C2orf74: variants seen among roughly 807,000 people sequenced by gnomAD.
C2orf74 encodes the protein uncharacterized protein C2orf74.
In C2orf74, 14 loss-of-function variants were observed where a neutral mutation model predicts 17.9. That is an observed-to-expected ratio of 0.78 (90% CI 0.52 to 1.22). The LOEUF is 1.22. C2orf74 is among the 50% of genes most tolerant of loss of function. The probability of loss-of-function intolerance (pLI) is 0.00; values close to 1 mark genes in which losing one functional copy is unlikely to be tolerated. For synonymous variants in C2orf74, 79 were observed against 72.6 expected (o/e 1.09, Z -0.44); for missense variants, 217 against 218.4 (o/e 0.99, Z 0.04).
upstream of C2orf74, chr2:61,157,716 T>A (rs1050243437): frequency 2.8e-6 from 1 of 361,574 alleles, no homozygotes; most frequent in African/African-American, 2.1e-5. Flanking sequence ...AGATCACATG[T>A]TGACCCTTGA....
intron 3 of C2orf74, 22 bp from the exon 4 acceptor site, chr2:61,163,030 A>T (rs1019798894): frequency 6.4e-7 from 1 of 1,551,962 alleles, no homozygotes; most frequent in East Asian, 2.4e-5. Context: ...AATGTTTAAA[A>T]CTCTACCGAT....
In C2orf74 at chr2:61,155,756, G is replaced by A. The variant is rs746147507; in HGVS notation, c.-121-7086G>A. Among the ~76,000 whole-genome samples the A allele has an allele frequency of 7.2e-5, 11 of 152,022 alleles. 1 individual carries two copies. Among genetic ancestry groups the A allele is most frequent in the Non-Finnish European group, 1.3e-4 (9 of 68,004 alleles). On this transcript the variant is annotated intron_variant, in intron 1 of 3. Coordinates refer to the C2orf74 transcript ENST00000426997. ...AGGATGGTCTCAATCTCCTAACCAC[G>A]TTATCCACCCGGCTTGGCCTCCCAA... is the stretch of plus-strand genomic sequence containing the variant.
upstream of C2orf74, among the ~76,000 whole-genome samples, chr2:61,159,740 G>T (rs1685507318): frequency 1.3e-5 from 2 of 152,218 alleles, no homozygotes; most frequent in South Asian, 2.1e-4. Context: ...GTTTTGCAAT[G>T]CCTGCTGTAT....
At chr2:61,150,194 A>G (rs533695366) in intron 1 of C2orf74, among the ~76,000 whole-genome samples, 10 of 152,218 alleles carry the variant, frequency 6.6e-5, no homozygotes, top group African/African-American at 2.4e-4. Flanking sequence ...GTAAACTAAA[A>G]CTCAGCCACA....
At chr2:61,156,424 A>C (rs898397013) in intron 1 of C2orf74, among the ~76,000 whole-genome samples, 14 of 152,176 alleles carry the variant, frequency 9.2e-5, no homozygotes, top group Non-Finnish European at 2.1e-4. Flanking sequence ...GCCAAAAAAA[A>C]CAATGAAACA....
At chr2:61,159,834 A>G (rs1685509249), upstream of C2orf74, among the ~76,000 whole-genome samples, 1 of 152,206 alleles carries the variant, frequency 6.6e-6, no homozygotes, top group Non-Finnish European at 1.5e-5. Flanking sequence ...ATAACATAAA[A>G]TTTACCATTT....
upstream of C2orf74, among the ~76,000 whole-genome samples, chr2:61,157,374 G>A (rs1459918347): frequency 6.6e-6 from 1 of 152,190 alleles, no homozygotes; most frequent in Non-Finnish European, 1.5e-5. Context: ...CAAGAAGTCA[G>A]ATCAGGAAAT....
chr2:61,159,868 C>T (rs548401018), upstream of C2orf74, among the ~76,000 whole-genome samples: 1 of 152,186 alleles, frequency 6.6e-6, no homozygotes, highest in South Asian at 2.1e-4. Context: ...GTGTGCAGTT[C>T]AGTGGTATTA....
chr2:61,145,525 G>A (rs1685042967), intron 1 of C2orf74, among the ~76,000 whole-genome samples: 1 of 152,152 alleles, frequency 6.6e-6, no homozygotes, highest in Non-Finnish European at 1.5e-5. Context: ...CCGGGTTCAA[G>A]TGATTCTCCC....
chr2:61,161,402 T>G (rs1291280940), upstream of C2orf74, among the ~76,000 whole-genome samples: 1 of 151,966 alleles, frequency 6.6e-6, no homozygotes, highest in African/African-American at 2.4e-5. Context: ...GGTAGTTTAC[T>G]TCTATTTCTC....
chr2:61,151,107 G>A (rs1221022658), intron 1 of C2orf74, among the ~76,000 whole-genome samples: 1 of 151,924 alleles, frequency 6.6e-6, no homozygotes, highest in Non-Finnish European at 1.5e-5. Flanking sequence ...CACAAGGTCA[G>A]GAGTTCAAGA....
chr2:61,164,450 G>T lies in C2orf74; in HGVS notation c.487G>T (p.Glu163Ter). The stretch of plus-strand genomic sequence containing the variant: ...TTTAAAAGGAGTGACATTTTCTAGG[G>T]AGGTAATTGTTGTGGATCTTGGGAA... The part of the protein sequence containing the change: ...RPLKGVTFSR[E>*]VIVVDLGNEY... Residue 163 changes from glutamate to a stop codon, truncating the protein, a stop_gained, in exon 5 of 5, where the codon GAG (glutamate) becomes TAG (stop). Transcript: ENST00000432605. LOFTEE classifies it high-confidence loss of function. The T allele has an allele frequency of 6.4e-7, 1 of 1,551,174 alleles. No individual in the cohort carries two copies. Among genetic ancestry groups the T allele is most frequent in the Non-Finnish European group, 8.7e-7 (1 of 1,146,810 alleles).
intron 1 of C2orf74, among the ~76,000 whole-genome samples, chr2:61,154,978 T>C (rs1400975413): frequency 2.6e-5 from 4 of 151,918 alleles, no homozygotes; most frequent in Non-Finnish European, 4.4e-5. Flanking sequence ...GGCAGGAGAA[T>C]TGCTTGAACC....
At chr2:61,152,202 T>A (rs571631588) in intron 1 of C2orf74, 5 of 152,440 alleles carry the variant, frequency 3.3e-5, no homozygotes, top group African/African-American at 1.2e-4. Flanking sequence ...TGGAGTGGAC[T>A]CTCTCCTTAA....
At chr2:61,146,241 C>T (rs1425936005) in intron 1 of C2orf74, among the ~76,000 whole-genome samples, 1 of 152,142 alleles carries the variant, frequency 6.6e-6, no homozygotes, top group East Asian at 1.9e-4. Context: ...AATGTGGAAC[C>T]ATCTCTAGCA....
chr2:61,148,966 C>G (rs1023863620), intron 1 of C2orf74, among the ~76,000 whole-genome samples: 1 of 152,162 alleles, frequency 6.6e-6, no homozygotes, highest in Non-Finnish European at 1.5e-5. Context: ...TGGGAAAACT[C>G]TGTATCTTCT....
intron 2 of C2orf74, 49 bp downstream of exon 2, chr2:61,162,658 A>C: frequency 8.4e-7 from 1 of 1,191,630 alleles, no homozygotes; most frequent in Non-Finnish European, 1.2e-6. Flanking sequence ...TCACATTAGC[A>C]AATGTGTATA....
In C2orf74 at chr2:61,163,081, T is replaced by G. The variant is rs1685615570; in HGVS notation, c.239T>G (p.Val80Gly). 2.6e-6 allele frequency: 4 copies of G among 1,552,032 alleles called. No homozygotes were observed. Among genetic ancestry groups the G allele is most frequent in the African/African-American group, 1.4e-5 (1 of 73,056 alleles). Residue 80 changes from valine (V) to glycine (G), a missense_variant, in exon 4 of 5, where the codon GTG becomes GGG. By Grantham distance (109) the Val-to-Gly change is moderately radical. Transcript: ENST00000432605. ...TTAATGCAAGTCATGAACTTGAATG[T>G]GCCGATGAGGCCTGGCATTCTTGTC... Reference protein sequence around the residue: ...RILMQVMNLNVPMRPGILVQR... With the variant: ...RILMQVMNLNGPMRPGILVQR...
At chr2:61,162,169 GC>G, upstream of C2orf74, 12 of 256,370 alleles carry the variant, frequency 4.7e-5, no homozygotes, top group South Asian at 3.0e-4. Context: ...GGGGAGCTGG[GC>G]TCAGCTCCAG....
Sources: gnomAD v4.1 joint callset for allele counts (sites outside exome capture counted in the v4.1 genomes callset) on GRCh38, gnomAD v4.1.1 for gene constraint, MANE v1.5 for transcripts, NCBI Gene and HGNC (gene_info 2026-07-23, HGNC 2026-07-21) for gene names.